SDK1: variants seen among roughly 807,000 people sequenced by gnomAD.
The protein encoded by SDK1 is protein sidekick-1.
In SDK1, 157 loss-of-function variants were observed where a neutral mutation model predicts 245.5. That is an observed-to-expected ratio of 0.64 (90% CI 0.56 to 0.73). The LOEUF is 0.73. Ranked by LOEUF, SDK1 falls within the 30% of genes least tolerant of loss-of-function variation. The pLI is 0.00. For missense variants in SDK1, 3,583 were observed against 3,002.3 expected, an observed-to-expected ratio of 1.19 and a Z score of -4.52; for synonymous variants, 1,647 against 1,278.5, an observed-to-expected ratio of 1.29 and a Z score of -6.15.
At chr7:3,678,865 G>T (rs181482888) in intron 4 of SDK1, among the ~76,000 whole-genome samples, 5 of 152,092 alleles carry the variant, frequency 3.3e-5, no homozygotes, top group African/African-American at 1.2e-4. Flanking sequence ...TGGAGCAATT[G>T]GGTATCAACA....
intron 4 of SDK1, among the ~76,000 whole-genome samples, chr7:3,752,988 A>G (rs577940332): frequency 1.1e-4 from 17 of 152,204 alleles, no homozygotes; most frequent in African/African-American, 3.1e-4. Context: ...CTATTTCTCC[A>G]CCCTGAAAGA....
intron 38 of SDK1, among the ~76,000 whole-genome samples, chr7:4,216,003 A>G (rs754430429): frequency 6.6e-6 from 1 of 152,096 alleles, no homozygotes; most frequent in Non-Finnish European, 1.5e-5. Flanking sequence ...CCGTTCCTGC[A>G]TTCTCTCTTC....
chr7:3,542,675 G>C (rs141383900), intron 1 of SDK1, among the ~76,000 whole-genome samples: 1 of 152,034 alleles, frequency 6.6e-6, no homozygotes, highest in African/African-American at 2.4e-5. Flanking sequence ...ATAACTATTG[G>C]CTATGCCTTA....
chr7:3,671,654 A>G (rs1337232997), intron 4 of SDK1, among the ~76,000 whole-genome samples: 1 of 152,234 alleles, frequency 6.6e-6, no homozygotes. Flanking sequence ...GTGTTTCTCC[A>G]GGAAGTTAAC....
intron 14 of SDK1, among the ~76,000 whole-genome samples, chr7:3,997,774 C>G (rs1216725243): frequency 2.0e-5 from 3 of 152,136 alleles, no homozygotes; most frequent in African/African-American, 7.2e-5. Context: ...CCCCCAGCCT[C>G]CAGGCCCTCA....
At chr7:3,643,397 C>T (rs1217755676) in intron 4 of SDK1, 9 of 150,610 alleles carry the variant, frequency 6.0e-5, no homozygotes, top group Non-Finnish European at 1.3e-4. Flanking sequence ...CTGTGGAATC[C>T]CTTCCCTAAA....
At chr7:3,961,952 T>A (rs944124386) in intron 8 of SDK1, among the ~76,000 whole-genome samples, 5 of 152,062 alleles carry the variant, frequency 3.3e-5, no homozygotes, top group Admixed American at 2.0e-4. Flanking sequence ...CGCACATGTA[T>A]ACGCATACAC....
At position 3,974,423 on chromosome 7, in the gene SDK1, C is replaced by A. The variant is rs78188420; in HGVS notation, c.1872C>A (p.Ile624=). 698 of 1,614,086 alleles carry A rather than the reference C, an allele frequency of 4.3e-4. 6 individuals carry two copies. The South Asian group carries it at 7.2e-3, about 17-fold the overall frequency. ...TGACTCCATCGAGCACGTCTAGGAT[C>A]GTGGTGGAGAAGGACGGGTCCCTTC... ...VALTPSSTSR[I]VVEKDGSLLI... Residue 624 remains isoleucine (I), a synonymous_variant, in exon 13 of 45, where the codon ATC becomes ATA. Coordinates refer to ENST00000404826, the MANE Select transcript of SDK1 (RefSeq NM_152744.4).
intron 4 of SDK1, among the ~76,000 whole-genome samples, chr7:3,800,968 C>T (rs1779093222): frequency 6.6e-6 from 1 of 152,146 alleles, no homozygotes; most frequent in African/African-American, 2.4e-5. Context: ...CACGTTTTTA[C>T]ACCCTTTGTC....
At chr7:4,044,345 C>T (rs1482146390) in intron 17 of SDK1, among the ~76,000 whole-genome samples, 2 of 152,248 alleles carry the variant, frequency 1.3e-5, no homozygotes, top group Non-Finnish European at 2.9e-5. Context: ...GGACCTGGAT[C>T]ATACTCTATT....
chr7:4,073,359 C>G (rs916867720), intron 20 of SDK1, among the ~76,000 whole-genome samples: 1 of 152,232 alleles, frequency 6.6e-6, no homozygotes, highest in Non-Finnish European at 1.5e-5. Flanking sequence ...TGGCGTTTCT[C>G]TGCAGATCAG....
intron 5 of SDK1, among the ~76,000 whole-genome samples, chr7:3,856,218 T>TA (rs1195238379): frequency 6.6e-6 from 1 of 152,060 alleles, no homozygotes; most frequent in Non-Finnish European, 1.5e-5. Flanking sequence ...CTGTAAATGT[T>TA]AAAAATTTAA....
intron 35 of SDK1, among the ~76,000 whole-genome samples, chr7:4,195,077 A>C (rs886544343): frequency 6.6e-6 from 1 of 152,162 alleles, no homozygotes; most frequent in Non-Finnish European, 1.5e-5. Flanking sequence ...AGAAAAAAAA[A>C]TTTGTATTTT....
chr7:4,141,092 G>A (rs983578100), intron 28 of SDK1, among the ~76,000 whole-genome samples: 1 of 152,190 alleles, frequency 6.6e-6, no homozygotes, highest in African/African-American at 2.4e-5. Flanking sequence ...GACCACACAC[G>A]AAAAACAATC....
rs147510102 is a variant in SDK1, at chr7:3,974,486, C to T, written c.1935C>T (p.Tyr645=). 18 of 1,614,050 alleles carry T rather than the reference C, an allele frequency of 1.1e-5. No homozygotes were observed. The highest frequency in any genetic ancestry group is 2.7e-5 in the African/African-American group (2 of 74,914). The change falls in exon 13 of 45, where the codon TAC becomes TAT. Residue 645 remains tyrosine, a synonymous_variant. Transcript: ENST00000404826. ...CGTGGTCAGGCGACATCGGTGACTA[C>T]AGCTGCGAGATTGTTTCTGAAGGAG... ...SQTWSGDIGD[Y]SCEIVSEGGN... is the part of the protein sequence containing the mutation.
chr7:3,515,589 T>A (rs1401425383), intron 1 of SDK1, among the ~76,000 whole-genome samples: 1 of 152,216 alleles, frequency 6.6e-6, no homozygotes, highest in East Asian at 1.9e-4. Context: ...ACTCTTAAAA[T>A]AGTAGACTTC....
chr7:3,390,296 A>G (rs1314245138), intron 1 of SDK1, among the ~76,000 whole-genome samples: 1 of 152,218 alleles, frequency 6.6e-6, no homozygotes, highest in East Asian at 1.9e-4. Flanking sequence ...TTATTCATTT[A>G]GAATGTCAAA....
chr7:3,805,240 ACTT>A (rs1779212410), intron 4 of SDK1, among the ~76,000 whole-genome samples: 1 of 152,180 alleles, frequency 6.6e-6, no homozygotes, highest in Non-Finnish European at 1.5e-5. Context: ...CCCTTGCTGA[ACTT>A]ATTTATTACT....
chr7:3,987,132 A>C (rs1456747133), intron 13 of SDK1, 54 bp from the exon 14 acceptor site: 2 of 1,594,840 alleles, frequency 1.3e-6, no homozygotes, highest in African/African-American at 1.3e-5. Flanking sequence ...CAGGCTCACC[A>C]TGGATTCTGA....
Sources: allele counts gnomAD v4.1 joint callset (sites outside exome capture counted in the v4.1 genomes callset), GRCh38; gene constraint gnomAD v4.1.1; transcripts MANE v1.5; gene names NCBI Gene and HGNC (gene_info 2026-07-23, HGNC 2026-07-21).